KRI1: variants seen among roughly 807,000 people sequenced by gnomAD.
KRI1 encodes protein KRI1 homolog.
In KRI1, 83 loss-of-function variants were observed where a neutral mutation model predicts 97.0. The ratio of observed to expected loss-of-function variants is 0.86; its 90% confidence interval spans 0.72 to 1.03. KRI1 has a LOEUF of 1.03. Ranked by LOEUF, KRI1 falls within the 50% of genes least tolerant of loss-of-function variation. The pLI, the probability that KRI1 is intolerant of heterozygous loss-of-function variation, is 0.00. For synonymous variants in KRI1, 371 were observed against 363.5 expected, an observed-to-expected ratio of 1.02 and a Z score of -0.23; for missense variants, 916 against 928.4, an observed-to-expected ratio of 0.99 and a Z score of 0.17.
Position 10,560,183 on chromosome 19 carries a change from A to T in KRI1, c.800+129T>A, listed in dbSNP as rs370304784. 325 of 1,413,776 alleles carry T rather than the reference A, an allele frequency of 2.3e-4. 2 individuals carry two copies. In the South Asian group the frequency reaches 4.5e-3, roughly 19 times the overall value. 87.6% of individuals were successfully genotyped at this position (1,413,776 alleles called of 1,614,324 possible). ...ATACTCTGTGGCTCTGCCTTACAGA[A>T]GACTAACTCTGCCACCATCTGTGAA... On this transcript the variant is annotated intron_variant, in intron 9 of 18. Transcript: ENST00000312962.
In KRI1 at chr19:10,557,839, C is replaced by G. The variant is rs200279325; in HGVS notation, c.1416G>C (p.Leu472Phe). 3 of 1,613,606 alleles carry G rather than the reference C, an allele frequency of 1.9e-6. No individual in the cohort carries two copies. In the East Asian group the frequency reaches 6.7e-5, roughly 36 times the overall value. The change falls in exon 15 of 19, where the codon TTG (leucine) becomes TTC (phenylalanine). Residue 472 changes from leucine (L) to phenylalanine (F), a missense_variant. By Grantham distance (22) the Leu-to-Phe change is conservative. Around this residue, in one of 3 missense-constraint regions of KRI1, gnomAD observed 672 missense variants for 667.2 expected, o/e 1.01. Coordinates refer to ENST00000312962, the MANE Select transcript of KRI1 (RefSeq NM_023008.5). ...QPRKKKREAP[L>F]TGKKKRKSPF... The stretch of plus-strand genomic sequence containing the variant: ...GCGACTTGCGCTTCTTCTTGCCCGT[C>G]AAGGGGGCCTCGCGCTTTTTCTTCC...
rs1364105765 is a variant in KRI1 at position 10,562,836 on chromosome 19, T to C, written c.276A>G (p.Ala92=). 3.7e-6 allele frequency: 6 copies of C among 1,600,274 alleles called. No individual in the cohort carries two copies. The highest frequency in any genetic ancestry group is 3.3e-5 in the Admixed American group (2 of 59,960). ...QKDATFYNRT[A]SSSDSEEDPE... is the part of the protein sequence containing the mutation. ...GGTCCTCCTCACTGTCTGATGACGA[T>C]GCTGTTAACCCACCAAAGACACCTG... The change falls in exon 4 of 19, where the codon GCA becomes GCG. Residue 92 remains alanine (A), a splice_region_variant and synonymous_variant. Transcript: ENST00000312962.
intron 3 of KRI1, among the ~76,000 whole-genome samples, chr19:10,563,244 T>TG (rs1178271149): frequency 6.6e-6 from 1 of 151,180 alleles, no homozygotes; most frequent in African/African-American, 2.4e-5. Context: ...TTAGTAGAGA[T>TG]GGGGTTTCTC....
Position 10,554,343 on chromosome 19 carries a change from G to C in KRI1, c.1782-62C>G, listed in dbSNP as rs1341725698. 10 of 1,391,494 alleles carry C rather than the reference G, an allele frequency of 7.2e-6. No homozygotes were observed. The South Asian group carries it at 1.2e-4, about 16-fold the overall frequency. The allele number at this position is 1,391,494 out of a possible 1,614,324, so 86.2% of individuals were successfully genotyped here. On this transcript the variant is annotated intron_variant, in intron 18 of 18. Transcript: ENST00000312962. ...CAAGATCAGGCCCATTCTTGAGCAC[G>C]CATGCCCCATTTTACAGACAGGGAA...
chr19:10,558,273 A>AC (rs1859141582), intron 12 of KRI1, 34 bp from the exon 13 acceptor site: 1 of 1,606,738 alleles, frequency 6.2e-7, no homozygotes, highest in Admixed American at 1.7e-5. Flanking sequence ...ACCAGAGCCC[A>AC]CTCGAGACAT....
At chr19:10,564,163 AAAAG>A (rs553573004) in intron 3 of KRI1, among the ~76,000 whole-genome samples, 86 of 150,128 alleles carry the variant, frequency 5.7e-4, no homozygotes, top group African/African-American at 1.6e-3. Context: ...AAAAAAAGAA[AAAAG>A]AAAGAAAGGC....
chr19:10,562,897 G>T, intron 3 of KRI1, 60 bp from the exon 4 acceptor site: 1 of 1,048,138 alleles, frequency 9.5e-7, no homozygotes, highest in East Asian at 2.4e-5. Flanking sequence ...CCGTGGCAGA[G>T]AATCCCACAG....
rs552116497 is a variant in KRI1, at chr19:10,557,442, C to T, written c.1617+110G>A. On this transcript the variant is annotated intron_variant, in intron 16 of 18. Coordinates refer to ENST00000312962, the MANE Select transcript of KRI1 (RefSeq NM_023008.5). The stretch of plus-strand genomic sequence containing the variant: ...ATTTTCAAGATGAAGAAACAGCCTG[C>T]CATGTTGTGGCATTTCTGAGCAACA... 4.2e-6 allele frequency: 5 copies of T among 1,204,792 alleles called. No individual in the cohort carries two copies. In the Admixed American group the frequency reaches 1.1e-4, roughly 26 times the overall value. 74.6% of individuals were successfully genotyped at this position (1,204,792 alleles called of 1,614,324 possible).
At position 10,554,193 on chromosome 19, in the gene KRI1, T is replaced by C. The variant is rs1383694585; in HGVS notation, c.1870A>G (p.Met624Val). Residue 624 changes from methionine to valine, a missense_variant, in exon 19 of 19, where the codon ATG becomes GTG. Coordinates refer to ENST00000312962, the MANE Select transcript of KRI1 (RefSeq NM_023008.5). ...TGTGCTGGGGGACTCTCCGGCCCCATCAAGCTGCCATCAAGGGCTGGCAGC... is the reference window on the plus strand; with the variant it reads ...TGTGCTGGGGGACTCTCCGGCCCCACCAAGCTGCCATCAAGGGCTGGCAGC... ...RQLPALDGSL[M>V]GPESPPAQEE... is the part of the protein sequence containing the mutation. 6.8e-6 allele frequency: 11 copies of C among 1,613,830 alleles called. No individual in the cohort carries two copies. The highest frequency in any genetic ancestry group is 5.9e-6 in the Non-Finnish European group (7 of 1,179,986).
intron 8 of KRI1, 91 bp downstream of exon 8, chr19:10,560,912 T>G: frequency 1.0e-6 from 1 of 969,786 alleles, no homozygotes; most frequent in South Asian, 1.4e-5. Context: ...GATGTACATA[T>G]CCCATCTTCA....
Position 10,559,605 on chromosome 19 carries a change from A to C in KRI1, c.1023+8T>G, listed in dbSNP as rs767365967. Reference sequence around the variant, plus strand: ...GGGGGTCCTCCCCAGCTCACCCCCCACACTCACCCTCTTCTTTCGCTCCCG... The same window carrying C: ...GGGGGTCCTCCCCAGCTCACCCCCCCCACTCACCCTCTTCTTTCGCTCCCG... On this transcript the variant is annotated splice_region_variant and intron_variant, in intron 11 of 18. Coordinates refer to ENST00000312962, the MANE Select transcript of KRI1 (RefSeq NM_023008.5). 4 of 1,613,782 alleles carry C rather than the reference A, an allele frequency of 2.5e-6. No individual in the cohort carries two copies. The highest frequency in any genetic ancestry group is 2.2e-5 in the South Asian group (2 of 91,074).
rs750248825 is a variant in KRI1, at chr19:10,558,040, A to G, written c.1291T>C (p.Trp431Arg). The change falls in exon 14 of 19, where the codon TGG (tryptophan) becomes CGG (arginine). Residue 431 changes from tryptophan (W) to arginine (R), a missense_variant. Transcript: ENST00000312962. ...TCTCCCTCCTGCTCAGGCCCGTCCC[A>G]CGTGTCCCAGTTCCAGTCGTCTGGA... ...GLEDDWNWDT[W>R]DGPEQEGDWS... 6.2e-7 allele frequency: 1 copy of G among 1,613,886 alleles called. No homozygotes were observed. The highest frequency in any genetic ancestry group is 8.5e-7 in the Non-Finnish European group (1 of 1,179,964).
Position 10,561,653 on chromosome 19 carries a change from C to A in KRI1, c.488+14G>T, listed in dbSNP as rs576896020. Reference sequence around the variant, plus strand: ...CTTTCCTCCATTGGGCCATTCCCGCCCACCCAGCCTCACCTTTCCTTGAGC... The same window carrying A: ...CTTTCCTCCATTGGGCCATTCCCGCACACCCAGCCTCACCTTTCCTTGAGC... On this transcript the variant is annotated intron_variant, in intron 6 of 18. Coordinates refer to ENST00000312962, the MANE Select transcript of KRI1 (RefSeq NM_023008.5). 1.2e-6 allele frequency: 2 copies of A among 1,613,806 alleles called. No individual in the cohort carries two copies. Among genetic ancestry groups the A allele is most frequent in the African/African-American group, 2.7e-5 (2 of 75,000 alleles).
At position 10,559,819 on chromosome 19, in the gene KRI1, G is replaced by A; in HGVS notation, c.918C>T (p.Asp306=). Residue 306 remains aspartate, a synonymous_variant, in exon 10 of 19, where the codon GAC becomes GAT. Coordinates refer to ENST00000312962, the MANE Select transcript of KRI1 (RefSeq NM_023008.5). ...AGCCCCAGCCACACACCGATGCTGA[G>A]TCCGGCTCCTCGAAACGGAAATTGT... ...QKYNFRFEEP[D]SASVKTYPRS... 1.2e-6 allele frequency: 2 copies of A among 1,613,890 alleles called. No individual in the cohort carries two copies. The highest frequency in any genetic ancestry group is 1.7e-6 in the Non-Finnish European group (2 of 1,179,992).
Position 10,553,312 on chromosome 19 carries a change from C to T in KRI1, c.*639G>A, listed in dbSNP as rs1856482242. 2.0e-6 allele frequency: 1 copy of T among 504,742 alleles called. No homozygotes were observed. The highest frequency in any genetic ancestry group is 3.5e-6 in the Non-Finnish European group (1 of 284,206). 31.3% of individuals were successfully genotyped at this position (504,742 alleles called of 1,614,324 possible). A position where few individuals can be genotyped will look rare whatever the true frequency, so the allele number is the denominator to read the frequency against. On this transcript the variant is annotated 3_prime_UTR_variant, in exon 19 of 19. Coordinates refer to ENST00000312962, the MANE Select transcript of KRI1 (RefSeq NM_023008.5). ...AGGACCCCGGGCACCCCCCTCAGGG[C>T]CTGACTCACGTACTGTAGTTTGCAC...
At chr19:10,557,147 T>C (rs368367892) in intron 16 of KRI1, among the ~76,000 whole-genome samples, 301 of 146,826 alleles carry the variant, frequency 2.1e-3, no homozygotes, top group African/African-American at 7.2e-3. Flanking sequence ...CTCTGTCACC[T>C]AGGCTGGAGT....
At chr19:10,557,279 G>C (rs1462063142) in intron 16 of KRI1, among the ~76,000 whole-genome samples, 1 of 151,662 alleles carries the variant, frequency 6.6e-6, no homozygotes. Context: ...TAATTTTTTT[G>C]TATTTTTAGT....
rs767365967 is a variant in KRI1, at chr19:10,559,605, A to G, written c.1023+8T>C. 6.2e-7 allele frequency: 1 copy of G among 1,613,782 alleles called. No individual in the cohort carries two copies. On this transcript the variant is annotated splice_region_variant and intron_variant, in intron 11 of 18. Coordinates refer to ENST00000312962, the MANE Select transcript of KRI1 (RefSeq NM_023008.5). ...GGGGGTCCTCCCCAGCTCACCCCCC[A>G]CACTCACCCTCTTCTTTCGCTCCCG...
At chr19:10,560,195 C>T in intron 9 of KRI1, 117 bp downstream of exon 9, 4 of 1,431,416 alleles carry the variant, frequency 2.8e-6, no homozygotes, top group Non-Finnish European at 3.7e-6. Context: ...ACTAACTCTG[C>T]CACCATCTGT....
Sources: gnomAD v4.1 joint callset for allele counts (sites outside exome capture counted in the v4.1 genomes callset) on GRCh38, gnomAD v4.1.1 for gene constraint, gnomAD v4.1.1 regional missense constraint, MANE v1.5 for transcripts, NCBI Gene and HGNC (gene_info 2026-07-23, HGNC 2026-07-21) for gene names.